Variants in PRSS23 observed in about 807,000 individuals in gnomAD.
The protein encoded by PRSS23 is protease, serine 23.
PRSS23 carries 25 observed loss-of-function variants against 34.7 expected under a neutral mutation model. That is an observed-to-expected ratio of 0.72 (90% CI 0.53 to 1.01). The LOEUF (loss-of-function observed/expected upper bound fraction) is 1.01, where lower values mean the gene tolerates loss of function less well. Among genes scored for constraint, PRSS23 ranks in the 50% least tolerant of loss-of-function variants. The probability of loss-of-function intolerance (pLI) is 0.00; values close to 1 mark genes in which losing one functional copy is unlikely to be tolerated. For missense variants in PRSS23, 445 were observed against 475.6 expected (o/e 0.94, Z 0.60); for synonymous variants, 176 against 186.6 (o/e 0.94, Z 0.46).
intron 1 of PRSS23, among the ~76,000 whole-genome samples, chr11:86,792,434 G>A (rs1256367605): frequency 6.6e-6 from 1 of 152,104 alleles, no homozygotes; most frequent in Non-Finnish European, 1.5e-5. Flanking sequence ...TGCCTCTCTG[G>A]CTTGTTTGTT....
At chr11:86,879,466 G>C (rs924506271) in intron 2 of PRSS23, among the ~76,000 whole-genome samples, 1 of 144,990 alleles carries the variant, frequency 6.9e-6, no homozygotes, top group African/African-American at 2.6e-5. Flanking sequence ...GTCAGCCCCC[G>C]CCAGGCCAGC....
At chr11:86,951,397 G>A in exon 3 of PRSS23, 4 of 1,613,826 alleles carry the variant, frequency 2.5e-6, no homozygotes, top group African/African-American at 1.3e-5. Context: ...AAAAATAACA[G>A]GCAATCACAC....
chr11:86,828,927 A>T (rs1470245479), intron 2 of PRSS23, among the ~76,000 whole-genome samples: 1 of 151,822 alleles, frequency 6.6e-6, no homozygotes, highest in East Asian at 1.9e-4. Context: ...TGCCCTTAAC[A>T]TTTTTTCCTT....
chr11:86,830,271 C>A (rs906774865), intron 2 of PRSS23, among the ~76,000 whole-genome samples: 3 of 152,220 alleles, frequency 2.0e-5, no homozygotes, highest in African/African-American at 7.2e-5. Flanking sequence ...CAGCGAGACT[C>A]CATGGGCATA....
chr11:86,832,545 A>G, intron 2 of PRSS23: 1 of 390,528 alleles, frequency 2.6e-6, no homozygotes, highest in Non-Finnish European at 5.0e-6. Flanking sequence ...CTGCCATGCA[A>G]CCACCACAGG....
At chr11:86,880,630 A>G (rs1948766798) in intron 2 of PRSS23, among the ~76,000 whole-genome samples, 2 of 151,934 alleles carry the variant, frequency 1.3e-5, no homozygotes, top group Admixed American at 1.3e-4. Context: ...TATTTGTCCT[A>G]ATGCCCTCCC....
At chr11:86,947,754 TGTTCCCTTGCCCTGAG>T (rs1170389435) in intron 2 of PRSS23, 1 of 152,282 alleles carries the variant, frequency 6.6e-6, no homozygotes, top group African/African-American at 2.4e-5. Context: ...TCTACCCCCA[TGTTCCCTTGCCCTGAG>T]GTTTGGCCTA....
At chr11:86,821,060 T>C in intron 1 of PRSS23, 2 of 268,754 alleles carry the variant, frequency 7.4e-6, no homozygotes, top group South Asian at 1.6e-4. Context: ...TATGGATACA[T>C]GATTGATGTG....
rs1170923208 is a variant in PRSS23 at position 86,913,263 on chromosome 11, C to G, written c.207-37953C>G. On this transcript the variant is annotated intron_variant, in intron 2 of 2. Transcript: ENST00000533902. ...TGCCCTGCTTAGTACTCACTGGGGT[C>G]TGCCCTCAGGCAAAAAAAAAAAAAA... 5.4e-5 allele frequency among the ~76,000 whole-genome samples: 7 copies of G among 130,650 alleles called. No individual in the cohort carries two copies. In the South Asian group the frequency reaches 1.1e-3, roughly 20 times the overall value. 85.7% of individuals were successfully genotyped at this position (130,650 alleles called of 152,430 possible).
intron 2 of PRSS23, among the ~76,000 whole-genome samples, chr11:86,920,405 C>A (rs990175867): frequency 6.6e-6 from 1 of 152,212 alleles, no homozygotes; most frequent in African/African-American, 2.4e-5. Flanking sequence ...CTTTTCAAGA[C>A]CCTGTTCTTG....
chr11:86,938,847 G>A (rs575390297), intron 2 of PRSS23, among the ~76,000 whole-genome samples: 62 of 152,210 alleles, frequency 4.1e-4, no homozygotes, highest in African/African-American at 1.4e-3. Flanking sequence ...GAAGGCCCCT[G>A]TAAAGCAGAA....
chr11:86,901,093 C>G (rs1013996781), intron 2 of PRSS23, among the ~76,000 whole-genome samples: 3 of 151,970 alleles, frequency 2.0e-5, no homozygotes, highest in African/African-American at 4.8e-5. Context: ...CTTATCATCT[C>G]TTTCTTAAAG....
intron 2 of PRSS23, among the ~76,000 whole-genome samples, chr11:86,824,413 G>A (rs1590879825): frequency 6.8e-6 from 1 of 146,720 alleles, no homozygotes; most frequent in Non-Finnish European, 1.5e-5. Flanking sequence ...AAGAACAGTG[G>A]GGTGAGGCCT....
intron 2 of PRSS23, among the ~76,000 whole-genome samples, chr11:86,878,498 C>T (rs561921357): frequency 0.037 from 5,601 of 152,214 alleles, 140 homozygotes; most frequent in Middle Eastern, 0.12. Flanking sequence ...CTCCTAACCG[C>T]GAGTGATCCG....
At chr11:86,942,222 C>T (rs1283583234) in intron 2 of PRSS23, among the ~76,000 whole-genome samples, 3 of 152,068 alleles carry the variant, frequency 2.0e-5, no homozygotes, top group Non-Finnish European at 4.4e-5. Context: ...GGGATGTCTT[C>T]CCAGGAAAGA....
chr11:86,878,419 C>G (rs946588164), intron 2 of PRSS23, among the ~76,000 whole-genome samples: 2 of 152,152 alleles, frequency 1.3e-5, no homozygotes, highest in African/African-American at 4.8e-5. Flanking sequence ...CGCGCCGCCA[C>G]GCCTGACTGC....
In PRSS23 at chr11:86,807,948, G is replaced by C. The variant is rs1300945454; in HGVS notation, c.305G>C (p.Gly102Ala). 1.2e-6 allele frequency: 2 copies of C among 1,614,026 alleles called. No individual in the cohort carries two copies. The highest frequency in any genetic ancestry group is 2.7e-5 in the African/African-American group (2 of 74,906). ...GGCAGCCGCACAGAGACGCAGGTGG[G>C]CATCTACATCCTCAGCAGTAGTGGA... is the stretch of plus-strand genomic sequence containing the variant. ...ANGSRTETQV[G>A]IYILSSSGDG... Residue 102 changes from glycine to alanine, a missense_variant, in exon 2 of 2, where the codon GGC becomes GCC. Coordinates refer to ENST00000280258, the MANE Select transcript of PRSS23 (RefSeq NM_007173.6).
chr11:86,850,945 A>G (rs953020864), intron 2 of PRSS23, among the ~76,000 whole-genome samples: 1 of 152,210 alleles, frequency 6.6e-6, no homozygotes, highest in Non-Finnish European at 1.5e-5. Flanking sequence ...AGGCAATTGT[A>G]TAATCTCACT....
intron 2 of PRSS23, among the ~76,000 whole-genome samples, chr11:86,918,798 A>C (rs1949029970): frequency 6.6e-6 from 1 of 152,232 alleles, no homozygotes; most frequent in Admixed American, 6.5e-5. Context: ...TATTTTCTTC[A>C]TTCTGCTACT....
Sources: gnomAD v4.1 joint callset for allele counts (sites outside exome capture counted in the v4.1 genomes callset) on GRCh38, gnomAD v4.1.1 for gene constraint, MANE v1.5 for transcripts, NCBI Gene and HGNC (gene_info 2026-07-23, HGNC 2026-07-21) for gene names.